The following SF1 variants were observed in gnomAD, a reference collection of about 807,000 sequenced individuals.
SF1 encodes the protein branch point-binding protein.
In SF1, 7 loss-of-function variants were observed where a neutral mutation model predicts 62.5. That is an observed-to-expected ratio of 0.11 (90% CI 0.06 to 0.21). SF1 has a LOEUF of 0.21. Ranked by LOEUF, SF1 falls within the 10% of genes least tolerant of loss-of-function variation. The pLI, the probability that SF1 is intolerant of heterozygous loss-of-function variation, is 1.00. For synonymous variants in SF1, 394 were observed against 323.6 expected (o/e 1.22, Z -2.33); for missense variants, 578 against 884.0 (o/e 0.65, Z 4.39).
chr11:64,772,411 G>T (rs947437082), intron 3 of SF1: 3 of 984,920 alleles, frequency 3.0e-6, no homozygotes, highest in East Asian at 2.3e-4. Flanking sequence ...AGCAAATGTA[G>T]TAAGTCAAAT....
At chr11:64,777,020 G>C (rs1939383305) in intron 1 of SF1, among the ~76,000 whole-genome samples, 2 of 152,192 alleles carry the variant, frequency 1.3e-5, no homozygotes, top group Non-Finnish European at 2.9e-5. Flanking sequence ...GTCCTGATGG[G>C]ACTGGGGGCT....
chr11:64,778,500 G>C lies in SF1; in HGVS notation c.-108C>G. The C allele has an allele frequency of 5.0e-6, 6 of 1,190,694 alleles. No homozygotes were observed. Among genetic ancestry groups the C allele is most frequent in the Non-Finnish European group, 6.2e-6 (6 of 961,042 alleles). 73.8% of individuals were successfully genotyped at this position (1,190,694 alleles called of 1,614,324 possible). The stretch of plus-strand genomic sequence containing the variant: ...CGAATGCGCTGCCGGAGCGCGCGGA[G>C]CCCGTCCTCTCACGCGGCGGGCGGC... On this transcript the variant is annotated 5_prime_UTR_variant, in exon 1 of 13. Transcript: ENST00000377390.
At chr11:64,777,301 T>C (rs1305625608) in intron 1 of SF1, among the ~76,000 whole-genome samples, 1 of 152,138 alleles carries the variant, frequency 6.6e-6, no homozygotes, top group Non-Finnish European at 1.5e-5. Flanking sequence ...CTCCCTACAT[T>C]TGCCACAAAA....
chr11:64,775,318 G>T (rs554484563), intron 2 of SF1, among the ~76,000 whole-genome samples: 2 of 152,278 alleles, frequency 1.3e-5, no homozygotes, highest in South Asian at 2.1e-4. Flanking sequence ...GAGATATAAA[G>T]AATTTGTGCT....
intron 3 of SF1, chr11:64,772,482 A>G: frequency 2.0e-6 from 2 of 985,192 alleles, no homozygotes; most frequent in East Asian, 2.3e-4. Context: ...CGGAAGAAAG[A>G]TGCATGAGTG....
rs2058743354 is a variant in SF1, at chr11:64,767,244, G to A, written c.1350C>T (p.Tyr450=). The part of the protein sequence containing the change: ...GHHGPPPMDQ[Y]LGSTPVGSGV... ...CAGAGCCCACAGGCGTACTTCCCAG[G>A]TACTGATCTTGATGGAAGGAAAGAG... The change falls in exon 11 of 13, where the codon TAC becomes TAT. Residue 450 remains tyrosine (Y), a synonymous_variant. Coordinates refer to ENST00000377390, the MANE Select transcript of SF1 (RefSeq NM_004630.4). 6.2e-7 allele frequency: 1 copy of A among 1,614,016 alleles called. No individual in the cohort carries two copies. Among genetic ancestry groups the A allele is most frequent in the Non-Finnish European group, 8.5e-7 (1 of 1,179,908 alleles).
intron 3 of SF1, among the ~76,000 whole-genome samples, chr11:64,771,244 C>T (rs1345155664): frequency 6.6e-6 from 1 of 151,834 alleles, no homozygotes; most frequent in African/African-American, 2.4e-5. Flanking sequence ...GCTGTTGCTA[C>T]AAGTAAAAAA....
intron 3 of SF1, chr11:64,771,893 G>C: frequency 1.0e-6 from 1 of 985,326 alleles, no homozygotes. Context: ...TCAGGCATTA[G>C]GGCCTCTTTC....
chr11:64,773,467 T>C lies in SF1; in HGVS notation c.199A>G (p.Thr67Ala). The C allele has an allele frequency of 1.2e-6, 2 of 1,613,512 alleles. No individual in the cohort carries two copies. Among genetic ancestry groups the C allele is most frequent in the Non-Finnish European group, 1.7e-6 (2 of 1,179,820 alleles). Residue 67 changes from threonine (T) to alanine (A), a missense_variant, in exon 3 of 13, where the codon ACA (threonine) becomes GCA (alanine). This residue lies in a region of SF1 where 68 missense variants were observed against 170.7 expected (regional missense o/e 0.40). Transcript: ENST00000377390. ...TTAGGGGGGATGCCCAGGTCTCCTGTGCGCAGTTTACGAGTCAGGTCTTCT... is the reference window on the plus strand; with the variant it reads ...TTAGGGGGGATGCCCAGGTCTCCTGCGCGCAGTTTACGAGTCAGGTCTTCT... ...QIEDLTRKLR[T>A]GDLGIPPNPE...
Position 64,767,722 on chromosome 11 carries a change from G to A in SF1, c.1191C>T (p.Phe397=), listed in dbSNP as rs1166747108. The A allele has an allele frequency of 1.2e-5, 20 of 1,612,894 alleles. No homozygotes were observed. The highest frequency in any genetic ancestry group is 1.7e-5 in the Admixed American group (1 of 59,696). ...PGGPGGGPHS[F]PHPLPSLTGG... is the part of the protein sequence containing the mutation. ...CTGTCAGGCTGGGTAATGGGTGTGG[G>A]AAGCTGTGGGGGCCACCTCCGGGCC... Residue 397 remains phenylalanine, a synonymous_variant, in exon 10 of 13, where the codon TTC becomes TTT. Transcript: ENST00000377390.
chr11:64,767,033 C>A lies in SF1; in HGVS notation c.1449G>T (p.Pro483=), dbSNP rs761752885. 9.2e-6 allele frequency: 14 copies of A among 1,521,328 alleles called. No individual in the cohort carries two copies. The highest frequency in any genetic ancestry group is 1.2e-5 in the Non-Finnish European group (14 of 1,129,138). 94.2% of individuals were successfully genotyped at this position (1,521,328 alleles called of 1,614,324 possible). ...PPMGMMPPPP[P]PPSGQPPPPP... is the part of the protein sequence containing the mutation. Reference sequence around the variant, plus strand: ...GGGGTGGGGGCTGCCCACTGGGAGGCGGCGGCGGCGGCGGCATCATGCCCA... The same window carrying A: ...GGGGTGGGGGCTGCCCACTGGGAGGAGGCGGCGGCGGCGGCATCATGCCCA... The change falls in exon 12 of 13, where the codon CCG becomes CCT. Residue 483 remains proline, a synonymous_variant. Coordinates refer to ENST00000377390, the MANE Select transcript of SF1 (RefSeq NM_004630.4).
At chr11:64,774,150 TG>T (rs1447144360) in intron 2 of SF1, among the ~76,000 whole-genome samples, 1 of 152,242 alleles carries the variant, frequency 6.6e-6, no homozygotes, top group Non-Finnish European at 1.5e-5. Flanking sequence ...TTCAATTATA[TG>T]AAATATTTAT....
rs71581779 is a variant in SF1, at chr11:64,765,308, G to A, written c.*510C>T. 1.5e-5 allele frequency: 10 copies of A among 646,430 alleles called. No homozygotes were observed. The highest frequency in any genetic ancestry group is 2.5e-5 in the Non-Finnish European group (9 of 358,266). The allele number at this position is 646,430 out of a possible 1,614,324, so 40.0% of individuals were successfully genotyped here. A position where few individuals can be genotyped will look rare whatever the true frequency, so the allele number is the denominator to read the frequency against. On this transcript the variant is annotated 3_prime_UTR_variant, in exon 13 of 13. Transcript: ENST00000377390. ...TCTGAAGAAAGGAAAAGATAAAGAA[G>A]TAACAAAGGAAAAAGAAAAAAATTA...
Position 64,767,849 on chromosome 11 carries a change from G to T in SF1, c.1069-5C>A, listed in dbSNP as rs753699002. The T allele has an allele frequency of 6.2e-7, 1 of 1,605,986 alleles. No individual in the cohort carries two copies. The highest frequency in any genetic ancestry group is 8.5e-7 in the Non-Finnish European group (1 of 1,177,574). On this transcript the variant is annotated splice_polypyrimidine_tract_variant and splice_region_variant and intron_variant, in intron 9 of 12. Transcript: ENST00000377390. ...CTGGGTGGTAGACATGAGAGACTAC[G>T]TGAGAGCATTTCCTGCCAACGTCCC...
rs1338248441 is a variant in SF1, at chr11:64,768,184, G to C, written c.990C>G (p.Gly330=). 6.2e-7 allele frequency: 1 copy of C among 1,614,066 alleles called. No individual in the cohort carries two copies. Among genetic ancestry groups the C allele is most frequent in the East Asian group, 2.2e-5 (1 of 44,870 alleles). Residue 330 remains glycine (G), a synonymous_variant, in exon 9 of 13, where the codon GGC becomes GGG. Coordinates refer to ENST00000377390, the MANE Select transcript of SF1 (RefSeq NM_004630.4). ...LGEAPVPASV[G]STSGPATTPL... ...GTGTGGTGGCAGGCCCAGAGGTGGA[G>C]CCCACAGATGCTGGGACAGGTGCTT...
chr11:64,767,412 G>C, intron 10 of SF1, 159 bp downstream of exon 10: 1 of 1,034,908 alleles, frequency 9.7e-7, no homozygotes, highest in Non-Finnish European at 1.5e-6. Flanking sequence ...CCCTGAACCA[G>C]AATGGAGTCT....
intron 1 of SF1, chr11:64,777,943 G>C: frequency 1.0e-6 from 1 of 983,596 alleles, no homozygotes; most frequent in Non-Finnish European, 1.2e-6. Context: ...AGGCGGCCGG[G>C]CCCGTCCGCG....
At position 64,765,323 on chromosome 11, in the gene SF1, G is replaced by C. The variant is rs1059419; in HGVS notation, c.*495C>G. On this transcript the variant is annotated 3_prime_UTR_variant, in exon 13 of 13. Transcript: ENST00000377390. ...AGATAAAGAAGTAACAAAGGAAAAA[G>C]AAAAAAATTAATAAAAATTTCACGA... 1 of 680,842 alleles carries C rather than the reference G, an allele frequency of 1.5e-6. No homozygotes were observed. 42.2% of individuals were successfully genotyped at this position (680,842 alleles called of 1,614,324 possible).
intron 2 of SF1, among the ~76,000 whole-genome samples, chr11:64,774,446 C>T (rs1193438769): frequency 1.3e-5 from 2 of 152,154 alleles, no homozygotes; most frequent in African/African-American, 4.8e-5. Context: ...CTTCAACATG[C>T]GGAATAACCA....
Sources: gnomAD v4.1 joint callset for allele counts (sites outside exome capture counted in the v4.1 genomes callset) on GRCh38, gnomAD v4.1.1 for gene constraint, gnomAD v4.1.1 regional missense constraint, MANE v1.5 for transcripts, NCBI Gene and HGNC (gene_info 2026-07-23, HGNC 2026-07-21) for gene names.